NUP205: variants seen among roughly 807,000 people sequenced by gnomAD.
NUP205 encodes the protein nucleoporin 205.
NUP205 carries 76 observed loss-of-function variants against 253.8 expected under a neutral mutation model. The observed-to-expected ratio is 0.30, with a 90% CI of 0.25 to 0.36. The LOEUF (loss-of-function observed/expected upper bound fraction) is 0.36, where lower values mean the gene tolerates loss of function less well. NUP205 is among the 10% of genes least tolerant of loss of function. The probability of loss-of-function intolerance (pLI) is 1.00; values close to 1 mark genes in which losing one functional copy is unlikely to be tolerated. For missense variants in NUP205, 2,162 were observed against 2,425.5 expected (o/e 0.89, Z 2.28); for synonymous variants, 832 against 850.1 (o/e 0.98, Z 0.37).
intron 2 of NUP205, among the ~76,000 whole-genome samples, chr7:135,572,132 T>TTA (rs754279347): frequency 1.6e-4 from 24 of 152,264 alleles, no homozygotes; most frequent in Non-Finnish European, 3.1e-4. Flanking sequence ...GTGTTGGGAT[T>TTA]ATAGACGTGA....
At chr7:135,622,239 A>G (rs1291416559) in intron 30 of NUP205, among the ~76,000 whole-genome samples, 5 of 151,792 alleles carry the variant, frequency 3.3e-5, no homozygotes, top group Non-Finnish European at 5.9e-5. Context: ...CCTGGCCAAC[A>G]TGATGAAACC....
intron 41 of NUP205, 60 bp downstream of exon 41, chr7:135,645,656 G>T: frequency 2.0e-6 from 3 of 1,533,896 alleles, no homozygotes; most frequent in Non-Finnish European, 1.8e-6. Flanking sequence ...TGAAAAGCTA[G>T]TACCAGTTTT....
rs145806865 is a variant in NUP205 at position 135,631,545 on chromosome 7, TG to T, written c.5059+1076del. Among the ~76,000 whole-genome samples, 842 of 152,352 alleles carry T rather than the reference TG, an allele frequency of 5.5e-3. 13 individuals are homozygous for T. The highest frequency in any genetic ancestry group is 0.05 in the East Asian group (257 of 5,184). On this transcript the variant is annotated intron_variant, in intron 35 of 42. Transcript: ENST00000285968. ...CACTTCCTCTTCCACCCTCAGATGA[TG>T]TTTGCTTATATCATTTTAACCTTGT...
At chr7:135,634,221 C>T (rs944401504) in intron 35 of NUP205, among the ~76,000 whole-genome samples, 1 of 152,116 alleles carries the variant, frequency 6.6e-6, no homozygotes, top group African/African-American at 2.4e-5. Flanking sequence ...GCCACCATGC[C>T]CAGCTGGCTC....
chr7:135,577,732 C>A, intron 5 of NUP205, 64 bp from the exon 6 acceptor site: 1 of 1,253,044 alleles, frequency 8.0e-7, no homozygotes, highest in Non-Finnish European at 1.2e-6. Context: ...GTAGTTTGTA[C>A]TTTGGAATAA....
chr7:135,581,614 G>A (rs1235546976), intron 7 of NUP205, among the ~76,000 whole-genome samples: 2 of 152,042 alleles, frequency 1.3e-5, no homozygotes, highest in African/African-American at 4.8e-5. Context: ...CACTTTGGGA[G>A]GATGAGGCAG....
chr7:135,630,577 AT>A (rs1794691056), intron 35 of NUP205, 107 bp downstream of exon 35: 1 of 908,214 alleles, frequency 1.1e-6, no homozygotes, highest in African/African-American at 1.7e-5. Flanking sequence ...CTTATTTGAA[AT>A]TGGTACTGCT....
At chr7:135,577,540 G>A (rs1393647927) in intron 5 of NUP205, among the ~76,000 whole-genome samples, 2 of 152,006 alleles carry the variant, frequency 1.3e-5, no homozygotes, top group African/African-American at 4.8e-5. Flanking sequence ...TTTCAGCTTC[G>A]GTATAGTCAT....
At chr7:135,633,546 A>G (rs1228104987) in intron 35 of NUP205, among the ~76,000 whole-genome samples, 1 of 152,170 alleles carries the variant, frequency 6.6e-6, no homozygotes, top group Non-Finnish European at 1.5e-5. Context: ...CTCTAGCTAT[A>G]TATTTACATA....
intron 22 of NUP205, among the ~76,000 whole-genome samples, chr7:135,608,029 T>G (rs1306331941): frequency 6.8e-6 from 1 of 146,796 alleles, no homozygotes; most frequent in African/African-American, 2.5e-5. Context: ...AAAGCACTTT[T>G]TTTTTTTTTT....
At chr7:135,570,841 T>C (rs1411808239) in intron 1 of NUP205, among the ~76,000 whole-genome samples, 3 of 50,226 alleles carry the variant, frequency 6.0e-5, no homozygotes, top group African/African-American at 2.2e-4. Context: ...TTATATATTA[T>C]ATATTACATA....
chr7:135,615,792 T>C (rs1794343671), intron 23 of NUP205, 124 bp from the exon 24 acceptor site: 1 of 515,024 alleles, frequency 1.9e-6, no homozygotes, highest in African/African-American at 2.0e-5. Context: ...ATTATTATGT[T>C]GCTGAGTTTC....
intron 16 of NUP205, 48 bp from the exon 17 acceptor site, chr7:135,601,322 C>A: frequency 6.5e-7 from 1 of 1,549,478 alleles, no homozygotes; most frequent in Admixed American, 1.9e-5. Context: ...AAGGGTGTGA[C>A]AAAAATACTA....
intron 13 of NUP205, among the ~76,000 whole-genome samples, chr7:135,595,857 G>A (rs1407840616): frequency 6.6e-6 from 1 of 152,120 alleles, no homozygotes; most frequent in Non-Finnish European, 1.5e-5. Context: ...ATGGTTAGGT[G>A]GGATATGTAT....
chr7:135,619,297 A>G, intron 28 of NUP205, 126 bp from the exon 29 acceptor site: 1 of 963,558 alleles, frequency 1.0e-6, no homozygotes, highest in Non-Finnish European at 1.6e-6. Flanking sequence ...AGCTGAGATT[A>G]TGCTACTGCA....
intron 4 of NUP205, 143 bp downstream of exon 4, chr7:135,576,557 A>G (rs1806156903): frequency 7.0e-6 from 5 of 718,678 alleles, no homozygotes; most frequent in Admixed American, 5.9e-5. Flanking sequence ...AGATATAACA[A>G]TTTAAACCTG....
Position 135,578,895 on chromosome 7 carries a change from C to A in NUP205, c.1022C>A (p.Ser341Tyr), listed in dbSNP as rs1303748884. ...LAWALALRGI[S>Y]QLPDVTALAE... ...TGGGCGCTGGCATTGAGGGGAATAT[C>A]CCAGCTACCTGATGTGACAGGTGAA... Residue 341 changes from serine to tyrosine, a missense_variant, in exon 7 of 43, where the codon TCC becomes TAC. Ser to Tyr is a moderately radical substitution (Grantham distance 144). Around this residue, in one of 5 missense-constraint regions of NUP205, gnomAD observed 892 missense variants for 957.1 expected, o/e 0.93. Transcript: ENST00000285968. 6.2e-7 allele frequency: 1 copy of A among 1,601,190 alleles called. No homozygotes were observed. The highest frequency in any genetic ancestry group is 8.5e-7 in the Non-Finnish European group (1 of 1,176,234).
intron 22 of NUP205, among the ~76,000 whole-genome samples, chr7:135,610,019 T>G (rs1285060687): frequency 6.6e-6 from 1 of 152,222 alleles, no homozygotes; most frequent in African/African-American, 2.4e-5. Context: ...GCCTTCCTAC[T>G]CATCCCTGGC....
intron 38 of NUP205, among the ~76,000 whole-genome samples, chr7:135,642,354 AT>A (rs370739472): frequency 2.0e-5 from 3 of 149,454 alleles, no homozygotes; most frequent in South Asian, 2.1e-4. Flanking sequence ...CTCTAGGATG[AT>A]TTTTTTTTTC....
Sources: allele counts gnomAD v4.1 joint callset (sites outside exome capture counted in the v4.1 genomes callset), GRCh38; gene constraint gnomAD v4.1.1; regional missense constraint gnomAD v4.1.1; transcripts MANE v1.5; gene names NCBI Gene and HGNC (gene_info 2026-07-23, HGNC 2026-07-21).